The following CEP112 variants were observed in gnomAD, a reference collection of about 807,000 sequenced individuals.
The protein encoded by CEP112 is centrosomal protein 112, also known as centrosomal protein of 112 kDa.
Under a neutral mutation model 153.0 loss-of-function variants are expected in CEP112, and 127 were observed. The ratio of observed to expected loss-of-function variants is 0.83; its 90% CI spans 0.72 to 0.96. The LOEUF (loss-of-function observed/expected upper bound fraction) is 0.96. Ranked by LOEUF, CEP112 falls within the 40% of genes least tolerant of loss-of-function variation. CEP112 has a pLI of 0.00. For synonymous variants in CEP112, 358 were observed against 374.4 expected, an observed-to-expected ratio of 0.96 and a Z score of 0.51; for missense variants, 1,089 against 1,101.2, an observed-to-expected ratio of 0.99 and a Z score of 0.16.
chr17:65,804,315 C>G (rs2055459699), intron 21 of CEP112: 1 of 152,026 alleles, frequency 6.6e-6, no homozygotes, highest in Non-Finnish European at 1.5e-5. Flanking sequence ...TATTCTATGT[C>G]TATAAAGCTC....
At chr17:65,802,794 T>C (rs2055358687) in intron 21 of CEP112, among the ~76,000 whole-genome samples, 1 of 152,248 alleles carries the variant, frequency 6.6e-6, no homozygotes, top group Non-Finnish European at 1.5e-5. Flanking sequence ...AAATGCTTTA[T>C]CTGTGTAGCA....
intron 23 of CEP112, among the ~76,000 whole-genome samples, chr17:65,694,831 A>AT (rs1281316596): frequency 6.6e-6 from 1 of 152,198 alleles, no homozygotes; most frequent in African/African-American, 2.4e-5. Flanking sequence ...CAAATTTGAC[A>AT]TTTCACACAC....
intron 20 of CEP112, among the ~76,000 whole-genome samples, chr17:65,893,318 C>G (rs1598912351): frequency 6.6e-6 from 1 of 152,120 alleles, no homozygotes; most frequent in African/African-American, 2.4e-5. Flanking sequence ...TTCAGTATTA[C>G]TTGACTAATA....
intron 8 of CEP112, among the ~76,000 whole-genome samples, chr17:66,094,612 C>A (rs909524494): frequency 6.6e-6 from 1 of 151,872 alleles, no homozygotes; most frequent in Non-Finnish European, 1.5e-5. Context: ...GGATATGAAC[C>A]GAAAAGCATA....
chr17:66,139,193 T>C lies in CEP112; in HGVS notation c.471-6430A>G, dbSNP rs1352517443. On this transcript the variant is annotated intron_variant, in intron 4 of 26. Transcript: ENST00000535342. ...GAAAATGAAACTAAGAGTTGATTTA[T>C]TGAAATGATCAACAAAATTGAAAAA... 2.6e-5 allele frequency among the ~76,000 whole-genome samples: 4 copies of C among 152,114 alleles called. No individual in the cohort carries two copies. In the South Asian group the frequency reaches 6.2e-4, roughly 24 times the overall value.
At chr17:66,046,104 G>A (rs1260486431) in intron 12 of CEP112, among the ~76,000 whole-genome samples, 4 of 151,530 alleles carry the variant, frequency 2.6e-5, no homozygotes, top group Non-Finnish European at 1.5e-5. Context: ...GTGCAGTGGT[G>A]CGATCTCTCC....
intron 20 of CEP112, among the ~76,000 whole-genome samples, chr17:65,883,289 A>G (rs759416597): frequency 1.3e-5 from 2 of 149,660 alleles, no homozygotes; most frequent in African/African-American, 5.0e-5. Context: ...TATGAAGTGT[A>G]TATATATATA....
At chr17:65,862,405 G>A (rs1251329891) in intron 20 of CEP112, among the ~76,000 whole-genome samples, 4 of 152,062 alleles carry the variant, frequency 2.6e-5, no homozygotes, top group African/African-American at 4.8e-5. Flanking sequence ...TGGCTAACAC[G>A]GTGAAACCCC....
intron 17 of CEP112, among the ~76,000 whole-genome samples, chr17:65,990,088 T>C (rs1421261119): frequency 6.6e-6 from 1 of 151,896 alleles, no homozygotes; most frequent in Non-Finnish European, 1.5e-5. Context: ...CATGTAACCA[T>C]AAAGGAAGAA....
chr17:65,843,026 TA>T, intron 21 of CEP112, among the ~76,000 whole-genome samples: 1 of 152,098 alleles, frequency 6.6e-6, no homozygotes, highest in South Asian at 2.1e-4. Flanking sequence ...AAAGTTGAAA[TA>T]AAAAAATTAT....
chr17:65,971,411 A>G (rs201207272), intron 17 of CEP112, among the ~76,000 whole-genome samples: 1 of 49,262 alleles, frequency 2.0e-5, no homozygotes, highest in Non-Finnish European at 4.3e-5. Flanking sequence ...TATTGCACCC[A>G]TGCAGCATGC....
intron 21 of CEP112, among the ~76,000 whole-genome samples, chr17:65,754,486 G>A (rs970252655): frequency 1.3e-5 from 2 of 152,176 alleles, no homozygotes; most frequent in Non-Finnish European, 2.9e-5. Flanking sequence ...GTGCATGCCT[G>A]TAATCCCAGC....
At chr17:66,122,402 C>T (rs1321437821) in intron 6 of CEP112, among the ~76,000 whole-genome samples, 1 of 152,030 alleles carries the variant, frequency 6.6e-6, no homozygotes, top group Admixed American at 6.6e-5. Flanking sequence ...TTAGGTAATA[C>T]AATGTAGCAA....
At chr17:66,119,946 A>G (rs532266986) in intron 6 of CEP112, among the ~76,000 whole-genome samples, 1 of 152,266 alleles carries the variant, frequency 6.6e-6, no homozygotes, top group South Asian at 2.1e-4. Context: ...GTATCTCATC[A>G]TAGCATCTTT....
chr17:65,700,706 G>A (rs1298211837), intron 23 of CEP112, among the ~76,000 whole-genome samples: 1 of 152,280 alleles, frequency 6.6e-6, no homozygotes, highest in Admixed American at 6.5e-5. Context: ...AACCACAAAA[G>A]GGCCTAAGAT....
intron 21 of CEP112, among the ~76,000 whole-genome samples, chr17:65,767,931 T>TCTACCAAA (rs1387112103): frequency 6.6e-6 from 1 of 152,112 alleles, no homozygotes; most frequent in Non-Finnish European, 1.5e-5. Context: ...ATGGCTGAAT[T>TCTACCAAA]CTACCAAACT....
Position 65,971,115 on chromosome 17 carries a change from TTGCG to T in CEP112, c.1737-9521_1737-9518del, listed in dbSNP as rs933617807. Reference sequence around the variant, plus strand: ...TATTACATGGTACATTGCATGTTCCTTGCGTGTATGAGATTTATATTGCATGTGC... The same window carrying T: ...TATTACATGGTACATTGCATGTTCCTTGTATGAGATTTATATTGCATGTGC... On this transcript the variant is annotated intron_variant, in intron 17 of 26. Coordinates refer to ENST00000535342, the MANE Select transcript of CEP112 (RefSeq NM_001199165.4). 6.6e-5 allele frequency among the ~76,000 whole-genome samples: 10 copies of T among 152,330 alleles called. 1 individual carries two copies. Among genetic ancestry groups the T allele is most frequent in the Admixed American group, 2.0e-4 (3 of 15,300 alleles).
intron 24 of CEP112, among the ~76,000 whole-genome samples, chr17:65,650,729 C>T (rs1443484172): frequency 3.3e-5 from 1 of 30,536 alleles, no homozygotes; most frequent in Admixed American, 4.8e-4. Context: ...AAACTCTCTA[C>T]TAAAAAAAAA....
chr17:66,005,135 T>G (rs1474721820), intron 17 of CEP112, among the ~76,000 whole-genome samples: 1 of 152,204 alleles, frequency 6.6e-6, no homozygotes, highest in East Asian at 1.9e-4. Context: ...TTTTTTCAGC[T>G]AAAAACTGCA....
Sources: gnomAD v4.1 joint callset for allele counts (sites outside exome capture counted in the v4.1 genomes callset) on GRCh38, gnomAD v4.1.1 for gene constraint, MANE v1.5 for transcripts, NCBI Gene and HGNC (gene_info 2026-07-23, HGNC 2026-07-21) for gene names.